Variants in FBXO16 observed in about 807,000 individuals in gnomAD.
The protein encoded by FBXO16 is F-box protein 16, also known as F-box only protein 16.
Under a neutral mutation model 41.0 loss-of-function variants are expected in FBXO16, and 31 were observed. The ratio of observed to expected loss-of-function variants is 0.76; its 90% confidence interval spans 0.57 to 1.02. The LOEUF (loss-of-function observed/expected upper bound fraction) is 1.02. FBXO16 is among the 50% of genes least tolerant of loss of function. The pLI is 0.00. For missense variants in FBXO16, 361 were observed against 346.2 expected (o/e 1.04, Z -0.34); for synonymous variants, 133 against 117.8 (o/e 1.13, Z -0.84).
At chr8:28,483,574 T>G in intron 1 of FBXO16, 112 bp from the exon 2 acceptor site, 2 of 711,880 alleles carry the variant, frequency 2.8e-6, no homozygotes, top group South Asian at 1.8e-5. Context: ...ATTCCAGCAC[T>G]TTGGGAGGCT....
chr8:28,441,835 TTATA>T (rs1214555229), intron 7 of FBXO16, among the ~76,000 whole-genome samples: 1 of 148,928 alleles, frequency 6.7e-6, no homozygotes, highest in African/African-American at 2.5e-5. Context: ...ACTGTGAAGT[TTATA>T]TATATATATA....
At chr8:28,471,200 A>G (rs1803328305) in intron 3 of FBXO16, among the ~76,000 whole-genome samples, 1 of 152,220 alleles carries the variant, frequency 6.6e-6, no homozygotes. Context: ...ACAGAACATT[A>G]GACAGGTATG....
chr8:28,445,350 T>A (rs776521317), intron 7 of FBXO16, among the ~76,000 whole-genome samples: 25 of 152,158 alleles, frequency 1.6e-4, no homozygotes, highest in Non-Finnish European at 1.6e-4. Context: ...GTTTGACAGA[T>A]GGTTAATGTC....
At chr8:28,456,001 T>TA (rs1025010653) in intron 5 of FBXO16, 11 of 152,142 alleles carry the variant, frequency 7.2e-5, no homozygotes, top group African/African-American at 1.9e-4. Flanking sequence ...CCTGTGGTTT[T>TA]AAAAAAATCA....
At chr8:28,457,356 T>G (rs577806289) in intron 4 of FBXO16, among the ~76,000 whole-genome samples, 2 of 152,352 alleles carry the variant, frequency 1.3e-5, no homozygotes, top group African/African-American at 2.4e-5. Flanking sequence ...TTTATTCTTT[T>G]CATGGTGTGC....
At chr8:28,473,391 G>C (rs879865385) in intron 3 of FBXO16, among the ~76,000 whole-genome samples, 3 of 152,152 alleles carry the variant, frequency 2.0e-5, no homozygotes, top group Admixed American at 2.0e-4. Context: ...CAACCCCCCA[G>C]TGTGATGGGA....
Position 28,473,791 on chromosome 8 carries a change from C to T in FBXO16, c.116G>A (p.Arg39Lys). 6.2e-7 allele frequency: 1 copy of T among 1,603,690 alleles called. No homozygotes were observed. Among genetic ancestry groups the T allele is most frequent in the Non-Finnish European group, 8.5e-7 (1 of 1,172,918 alleles). Residue 39 changes from arginine to lysine, a missense_variant, in exon 3 of 9, where the codon AGA becomes AAA. By Grantham distance (26) the Arg-to-Lys change is conservative. Coordinates refer to ENST00000380254, the MANE Select transcript of FBXO16 (RefSeq NM_172366.4). Reference protein sequence around the residue: ...LLNDRVFEERRALLGKWFDKW... With the variant: ...LLNDRVFEERKALLGKWFDKW... ...GTTTACCCATTTGCCAAGCAGGGCT[C>T]TTCTTTCTTCAAATACCTACAGTAA...
At chr8:28,444,125 T>C (rs1802823104) in intron 7 of FBXO16, among the ~76,000 whole-genome samples, 4 of 152,074 alleles carry the variant, frequency 2.6e-5, no homozygotes, top group African/African-American at 9.7e-5. Context: ...GTAACATTCA[T>C]GTATCAAATG....
At chr8:28,450,263 T>G (rs184468592) in intron 6 of FBXO16, among the ~76,000 whole-genome samples, 2 of 152,142 alleles carry the variant, frequency 1.3e-5, no homozygotes, top group Non-Finnish European at 2.9e-5. Flanking sequence ...ACGGGATATC[T>G]ACATGCAAAA....
intron 1 of FBXO16, among the ~76,000 whole-genome samples, chr8:28,485,090 C>G (rs749758735): frequency 2.3e-4 from 35 of 152,250 alleles, no homozygotes; most frequent in Non-Finnish European, 4.9e-4. Context: ...TTCACAAGGA[C>G]AGGTAGAAGA....
intron 4 of FBXO16, among the ~76,000 whole-genome samples, chr8:28,462,558 G>A (rs1279722218): frequency 4.6e-5 from 7 of 152,114 alleles, no homozygotes; most frequent in Admixed American, 2.6e-4. Context: ...GATTACAGGC[G>A]TGAGCCACCG....
intron 3 of FBXO16, chr8:28,465,451 C>T (rs1563366176): frequency 2.2e-6 from 1 of 447,636 alleles, no homozygotes; most frequent in South Asian, 1.6e-5. Flanking sequence ...CCCATCTGCA[C>T]AAAAAAATAA....
intron 3 of FBXO16, among the ~76,000 whole-genome samples, chr8:28,468,716 C>T (rs1044986965): frequency 5.3e-5 from 8 of 152,002 alleles, no homozygotes; most frequent in South Asian, 2.1e-4. Flanking sequence ...GGCATGTTGG[C>T]GTATGCCTGT....
intron 5 of FBXO16, 107 bp from the exon 6 acceptor site, chr8:28,452,583 C>A (rs1802973641): frequency 9.8e-7 from 1 of 1,021,074 alleles, no homozygotes; most frequent in East Asian, 2.5e-5. Context: ...GGCGGATCAC[C>A]TGAGGTCAGA....
chr8:28,487,596 T>C (rs1260764053), intron 1 of FBXO16, among the ~76,000 whole-genome samples: 2 of 151,978 alleles, frequency 1.3e-5, no homozygotes, highest in Non-Finnish European at 2.9e-5. Context: ...GTTTTCCCCA[T>C]GTTGGTCAGG....
intron 2 of FBXO16, among the ~76,000 whole-genome samples, chr8:28,475,426 C>T (rs1803408352): frequency 6.6e-6 from 1 of 152,176 alleles, no homozygotes; most frequent in Non-Finnish European, 1.5e-5. Flanking sequence ...ACCTGGGCTA[C>T]CAGGACCCTC....
intron 7 of FBXO16, among the ~76,000 whole-genome samples, chr8:28,445,522 G>A (rs1367388020): frequency 5.3e-5 from 8 of 152,148 alleles, no homozygotes; most frequent in Admixed American, 2.0e-4. Flanking sequence ...TGCCTATCAG[G>A]GGCTGGAAAC....
At chr8:28,438,257 A>G (rs1802714092) in intron 7 of FBXO16, among the ~76,000 whole-genome samples, 7 of 152,186 alleles carry the variant, frequency 4.6e-5, no homozygotes, top group Admixed American at 3.9e-4. Context: ...CAGAGGCTGC[A>G]GTGACCCAAG....
intron 2 of FBXO16, among the ~76,000 whole-genome samples, chr8:28,475,411 C>T (rs1803408079): frequency 6.6e-6 from 1 of 152,222 alleles, no homozygotes; most frequent in African/African-American, 2.4e-5. Context: ...CTGCAGCTAA[C>T]TGCCACCTGG....
Sources: allele counts gnomAD v4.1 joint callset (sites outside exome capture counted in the v4.1 genomes callset), GRCh38; gene constraint gnomAD v4.1.1; transcripts MANE v1.5; gene names NCBI Gene and HGNC (gene_info 2026-07-23, HGNC 2026-07-21).